The following PSMB2 variants were observed in gnomAD, a reference collection of about 807,000 sequenced individuals.
The protein encoded by PSMB2 is proteasome subunit beta type-2.
A neutral mutation model predicts 25.7 loss-of-function variants in PSMB2; 13 were observed. The observed-to-expected ratio is 0.51, with a 90% CI of 0.33 to 0.80. The LOEUF (loss-of-function observed/expected upper bound fraction) is 0.80. Ranked by LOEUF, PSMB2 falls within the 30% of genes least tolerant of loss-of-function variation. The pLI is 0.02. For synonymous variants in PSMB2, 87 were observed against 96.2 expected (o/e 0.90, Z 0.56); for missense variants, 202 against 259.0 (o/e 0.78, Z 1.51).
rs1212224590 is a variant in PSMB2 at position 35,614,280 on chromosome 1, T to G, written c.286-4872A>C. Among the ~76,000 whole-genome samples the G allele has an allele frequency of 2.6e-5, 4 of 152,224 alleles. No homozygotes were observed. The East Asian group carries it at 7.7e-4, about 29-fold the overall frequency. On this transcript the variant is annotated intron_variant, in intron 3 of 5. Transcript: ENST00000373237. ...TCTAGACAGTTTTTCATCAGTTCCC[T>G]TAGTTCCCCATGATGTTACATACTT...
chr1:35,608,364 CAA>C (rs112782164), intron 4 of PSMB2, among the ~76,000 whole-genome samples: 2,757 of 119,954 alleles, frequency 0.023, 95 homozygotes, highest in African/African-American at 0.074. Context: ...GACTCTGCCT[CAA>C]AAAAAAAAAA....
chr1:35,618,927 G>A (rs774815492), intron 3 of PSMB2, among the ~76,000 whole-genome samples: 2 of 152,250 alleles, frequency 1.3e-5, no homozygotes, highest in Non-Finnish European at 2.9e-5. Context: ...ACTGGCCCAC[G>A]TTTATAAATT....
intron 3 of PSMB2, among the ~76,000 whole-genome samples, chr1:35,624,780 A>C (rs1400367778): frequency 6.8e-6 from 1 of 147,730 alleles, no homozygotes; most frequent in Non-Finnish European, 1.5e-5. Flanking sequence ...AAACAAAAAA[A>C]CGCCAGGCAC....
chr1:35,614,769 A>T (rs1315268497), intron 3 of PSMB2, among the ~76,000 whole-genome samples: 3 of 152,214 alleles, frequency 2.0e-5, no homozygotes, highest in Non-Finnish European at 4.4e-5. Flanking sequence ...CAAAGAAAAA[A>T]TTTTAAATGA....
chr1:35,600,129 C>A lies in PSMB2; in HGVS notation c.*3138G>T. On this transcript the variant is annotated 3_prime_UTR_variant, in exon 6 of 6. Coordinates refer to ENST00000373237, the MANE Select transcript of PSMB2 (RefSeq NM_002794.5). ...CTGTACTCCAGCCTAGGTGATGGAG[C>A]AAGACCCTGTCTCTGAAAAACAACA... 1.1e-6 allele frequency: 1 copy of A among 951,284 alleles called. No individual in the cohort carries two copies. The highest frequency in any genetic ancestry group is 1.3e-6 in the Non-Finnish European group (1 of 799,082). The allele number at this position is 951,284 out of a possible 1,614,324, so 58.9% of individuals were successfully genotyped here. A position where few individuals can be genotyped will look rare whatever the true frequency, so the allele number is the denominator to read the frequency against.
intron 3 of PSMB2, among the ~76,000 whole-genome samples, chr1:35,616,615 C>T (rs1031144442): frequency 6.6e-6 from 1 of 152,220 alleles, no homozygotes; most frequent in Admixed American, 6.5e-5. Context: ...ACAATTACGA[C>T]TCCTCTATAG....
intron 3 of PSMB2, among the ~76,000 whole-genome samples, chr1:35,628,624 T>G (rs1444477023): frequency 1.8e-4 from 9 of 50,644 alleles, no homozygotes; most frequent in African/African-American, 7.4e-4. Flanking sequence ...TATATATATA[T>G]ATATATATTT....
chr1:35,625,578 T>C (rs907489161), intron 3 of PSMB2, among the ~76,000 whole-genome samples: 3 of 151,852 alleles, frequency 2.0e-5, no homozygotes, highest in East Asian at 2.0e-4. Context: ...CTGGTCAACA[T>C]GGTGAAACCC....
intron 3 of PSMB2, among the ~76,000 whole-genome samples, chr1:35,626,774 A>C (rs1650875324): frequency 1.3e-5 from 2 of 152,352 alleles, no homozygotes; most frequent in Middle Eastern, 3.4e-3. Context: ...ATACATATGT[A>C]AGTATTTAGA....
chr1:35,628,590 AAAAAAAATATATATATAT>A (rs1361254776), intron 3 of PSMB2, among the ~76,000 whole-genome samples: 3 of 16,574 alleles, frequency 1.8e-4, no homozygotes, highest in Non-Finnish European at 3.1e-4. Flanking sequence ...AAAAAAAAAA[AAAAAAAATATATATATAT>A]ATATATATAT....
chr1:35,617,522 A>G (rs1329998601), intron 3 of PSMB2, among the ~76,000 whole-genome samples: 4 of 152,236 alleles, frequency 2.6e-5, no homozygotes, highest in Admixed American at 2.6e-4. Flanking sequence ...CAGATGTCCC[A>G]ACTAACTTCA....
chr1:35,604,230 C>T (rs1650094559), intron 5 of PSMB2, among the ~76,000 whole-genome samples: 1 of 152,188 alleles, frequency 6.6e-6, no homozygotes, highest in Admixed American at 6.5e-5. Context: ...TTTTTGACCT[C>T]CCCATTCCCC....
At chr1:35,628,618 TATA>T (rs1650977808) in intron 3 of PSMB2, among the ~76,000 whole-genome samples, 1 of 52,344 alleles carries the variant, frequency 1.9e-5, no homozygotes, top group African/African-American at 7.6e-5. Flanking sequence ...TATATATATA[TATA>T]TATATATATA....
chr1:35,625,250 G>A (rs908503628), intron 3 of PSMB2, among the ~76,000 whole-genome samples: 3 of 152,048 alleles, frequency 2.0e-5, no homozygotes, highest in Non-Finnish European at 2.9e-5. Context: ...GAAACACTTC[G>A]GAAAAAGTTC....
intron 2 of PSMB2, 27 bp downstream of exon 2, chr1:35,636,283 C>T (rs747639570): frequency 7.4e-6 from 12 of 1,612,972 alleles, no homozygotes; most frequent in Admixed American, 1.7e-5. Context: ...AACTCATATG[C>T]CAACTAAAAC....
At chr1:35,615,305 T>G (rs1434350852) in intron 3 of PSMB2, among the ~76,000 whole-genome samples, 1 of 152,258 alleles carries the variant, frequency 6.6e-6, no homozygotes, top group Non-Finnish European at 1.5e-5. Context: ...TAAAAACTTC[T>G]GAGCATCTGA....
rs1254778289 is a variant in PSMB2, at chr1:35,603,356, G to A, written c.517C>T (p.Leu173=). ...CLEELQKRFI[L]NLPTFSVRII... is the part of the protein sequence containing the mutation. Reference sequence around the variant, plus strand: ...CGAACACTGAAGGTTGGCAGATTCAGGATGAAGCGTTTCTGGAGCTGCAGA... The same window carrying A: ...CGAACACTGAAGGTTGGCAGATTCAAGATGAAGCGTTTCTGGAGCTGCAGA... The change falls in exon 6 of 6, where the codon CTG becomes TTG. Residue 173 remains leucine (L), a synonymous_variant. Coordinates refer to ENST00000373237, the MANE Select transcript of PSMB2 (RefSeq NM_002794.5). The A allele has an allele frequency of 6.2e-7, 1 of 1,614,148 alleles. No individual in the cohort carries two copies. The highest frequency in any genetic ancestry group is 8.5e-7 in the Non-Finnish European group (1 of 1,180,004).
intron 3 of PSMB2, among the ~76,000 whole-genome samples, chr1:35,615,007 G>A (rs1010939866): frequency 1.2e-4 from 18 of 152,084 alleles, no homozygotes; most frequent in African/African-American, 4.3e-4. Flanking sequence ...ATCATTATAA[G>A]GTTGTGGTAA....
chr1:35,631,937 A>T (rs1205033390), intron 2 of PSMB2, among the ~76,000 whole-genome samples: 1 of 152,016 alleles, frequency 6.6e-6, no homozygotes, highest in African/African-American at 2.4e-5. Context: ...AGTGGAGAGG[A>T]TCAATTGACC....
Sources: gnomAD v4.1 joint callset for allele counts (sites outside exome capture counted in the v4.1 genomes callset) on GRCh38, gnomAD v4.1.1 for gene constraint, MANE v1.5 for transcripts, NCBI Gene and HGNC (gene_info 2026-07-23, HGNC 2026-07-21) for gene names.